Variants in EPM2A observed in about 807,000 individuals in gnomAD.
EPM2A encodes the protein EPM2A glucan phosphatase, laforin, also known as laforin.
In EPM2A, 21 loss-of-function variants were observed where a neutral mutation model predicts 26.5. The observed-to-expected ratio is 0.79, with a 90% CI of 0.56 to 1.14. The LOEUF is 1.14. EPM2A is among the 50% of genes most tolerant of loss of function. The pLI is 0.00. For synonymous variants in EPM2A, 217 were observed against 177.6 expected, an observed-to-expected ratio of 1.22 and a Z score of -1.76; for missense variants, 458 against 440.8, an observed-to-expected ratio of 1.04 and a Z score of -0.35.
intron 2 of EPM2A, among the ~76,000 whole-genome samples, chr6:145,515,829 C>A (rs1780118708): frequency 6.6e-6 from 1 of 152,182 alleles, no homozygotes. Flanking sequence ...TACAGGTCAC[C>A]TTGCGAAAGG....
At chr6:145,684,810 T>C (rs997837655) in intron 2 of EPM2A, 10 of 144,604 alleles carry the variant, frequency 6.9e-5, no homozygotes, top group African/African-American at 2.6e-4. Flanking sequence ...ACCATTACAG[T>C]AGCTCAGGCC....
intron 4 of EPM2A, chr6:145,490,990 TCTTCA>T (rs1779747537): frequency 1.1e-6 from 1 of 920,076 alleles, no homozygotes; most frequent in Middle Eastern, 2.3e-4. Context: ...GATGCCTTCA[TCTTCA>T]CTTCAATTGT....
chr6:145,451,077 T>G (rs974698137), intron 4 of EPM2A, among the ~76,000 whole-genome samples: 3 of 152,184 alleles, frequency 2.0e-5, no homozygotes, highest in Admixed American at 2.0e-4. Flanking sequence ...CAACTGGTAG[T>G]ACTTGTTGTC....
intron 4 of EPM2A, among the ~76,000 whole-genome samples, chr6:145,425,196 C>G (rs745784220): frequency 2.7e-5 from 4 of 146,352 alleles, no homozygotes; most frequent in Non-Finnish European, 6.1e-5. Context: ...CTTTCTTTGA[C>G]GTAGTCTTGC....
chr6:145,572,082 C>T (rs1378877430), intron 2 of EPM2A, among the ~76,000 whole-genome samples: 3 of 152,186 alleles, frequency 2.0e-5, no homozygotes, highest in Admixed American at 6.5e-5. Flanking sequence ...AATCACACAT[C>T]TGGGGATTTC....
At chr6:145,405,498 G>A (rs1482551076) in intron 4 of EPM2A, among the ~76,000 whole-genome samples, 1 of 152,122 alleles carries the variant, frequency 6.6e-6, no homozygotes, top group Non-Finnish European at 1.5e-5. Context: ...GCCAGAAGCA[G>A]AAATGGCAGA....
At chr6:145,567,850 G>C (rs191583718) in intron 2 of EPM2A, among the ~76,000 whole-genome samples, 3 of 152,196 alleles carry the variant, frequency 2.0e-5, no homozygotes, top group African/African-American at 7.2e-5. Context: ...CGGCTCTGCT[G>C]TCTTTGTGCA....
At chr6:145,484,834 A>G (rs986299104) in intron 4 of EPM2A, among the ~76,000 whole-genome samples, 4 of 151,518 alleles carry the variant, frequency 2.6e-5, no homozygotes, top group African/African-American at 9.7e-5. Flanking sequence ...ATGGCTGCCT[A>G]TCTTCTGCTT....
chr6:145,446,880 G>T (rs540111594), intron 4 of EPM2A, among the ~76,000 whole-genome samples: 1 of 152,022 alleles, frequency 6.6e-6, no homozygotes, highest in East Asian at 1.9e-4. Context: ...TGATTATCTT[G>T]GATCTTCTTT....
chr6:145,422,908 C>G (rs932888858), intron 4 of EPM2A, among the ~76,000 whole-genome samples: 1 of 151,956 alleles, frequency 6.6e-6, no homozygotes, highest in Non-Finnish European at 1.5e-5. Context: ...TAAGCCATGA[C>G]TCACTCACTT....
At position 145,627,554 on chromosome 6, in the gene EPM2A, G is replaced by A. The variant is rs1321786333; in HGVS notation, c.858C>T (p.Gly286=). The change falls in exon 4 of 4, where the codon GGC becomes GGT. Residue 286 remains glycine (G), a synonymous_variant. Transcript: ENST00000367519. ...AATACTGCACCTTCCTCAGATTCCA[G>A]CCCATCACATACTGGAGCCAGCCGC... ...AVCGWLQYVM[G]WNLRKVQYFL... The A allele has an allele frequency of 6.2e-7, 1 of 1,614,122 alleles. No individual in the cohort carries two copies. The highest frequency in any genetic ancestry group is 2.2e-5 in the East Asian group (1 of 44,888).
In EPM2A at chr6:145,735,208, G is replaced by A. The variant is rs769710588; in HGVS notation, c.291C>T (p.Leu97=). 3.3e-6 allele frequency: 5 copies of A among 1,525,920 alleles called. No individual in the cohort carries two copies. The East Asian group carries it at 7.8e-5, about 24-fold the overall frequency. The allele number at this position is 1,525,920 out of a possible 1,614,324, so 94.5% of individuals were successfully genotyped here. The change falls in exon 1 of 4, where the codon CTC becomes CTT. Residue 97 remains leucine, a synonymous_variant. Transcript: ENST00000367519. ...KFLKREPGGE[L]SWEGNGPHHD... ...GTCTGCTGGCAATACCTTCCCAGGA[G>A]AGCTCTCCTCCCGGCTCCCGCTTCA...
chr6:145,436,846 T>C (rs1778995449), intron 4 of EPM2A, among the ~76,000 whole-genome samples: 1 of 152,114 alleles, frequency 6.6e-6, no homozygotes, highest in Admixed American at 6.5e-5. Context: ...TTTTTCCTAC[T>C]ATAAAGTTTC....
At chr6:145,517,528 C>T (rs923635737) in intron 2 of EPM2A, among the ~76,000 whole-genome samples, 1 of 152,144 alleles carries the variant, frequency 6.6e-6, no homozygotes, top group Non-Finnish European at 1.5e-5. Flanking sequence ...GATGTTATTA[C>T]TTTCATATGA....
At chr6:145,491,431 C>T (rs1258362863) in intron 4 of EPM2A, among the ~76,000 whole-genome samples, 5 of 152,146 alleles carry the variant, frequency 3.3e-5, no homozygotes, top group Non-Finnish European at 7.4e-5. Flanking sequence ...CCTCCATCCC[C>T]AGCTGGACTC....
Position 145,705,758 on chromosome 6 carries a change from C to T in EPM2A, c.302-19462G>A, listed in dbSNP as rs181124995. On this transcript the variant is annotated intron_variant, in intron 1 of 3. Coordinates refer to ENST00000367519, the MANE Select transcript of EPM2A (RefSeq NM_005670.4). ...AACAGGAAATGACACACAGCACTTC[C>T]TCTCATATTTTACTGGCCAAAGCAA... The T allele has an allele frequency of 1.4e-5, 6 of 414,732 alleles. 1 individual carries two copies. In the Admixed American group the frequency reaches 1.6e-4, roughly 11 times the overall value. The allele number at this position is 414,732 out of a possible 1,614,324, so 25.7% of individuals were successfully genotyped here.
intron 3 of EPM2A, chr6:145,632,100 C>T (rs774563362): frequency 1.3e-5 from 2 of 152,126 alleles, no homozygotes; most frequent in African/African-American, 2.4e-5. Flanking sequence ...TTATCTTATT[C>T]TACTGTTATA....
chr6:145,629,255 G>A (rs531644454), intron 3 of EPM2A: 9 of 152,314 alleles, frequency 5.9e-5, no homozygotes, highest in African/African-American at 2.2e-4. Context: ...TGGTCCCCAA[G>A]GGCATTTGTA....
At chr6:145,519,253 C>T (rs1038961674) in intron 2 of EPM2A, among the ~76,000 whole-genome samples, 1 of 152,062 alleles carries the variant, frequency 6.6e-6, no homozygotes, top group Admixed American at 6.5e-5. Flanking sequence ...TTAGTGTCTT[C>T]CAGATTTCAG....
Sources: allele counts gnomAD v4.1 joint callset (sites outside exome capture counted in the v4.1 genomes callset), GRCh38; gene constraint gnomAD v4.1.1; transcripts MANE v1.5; gene names NCBI Gene and HGNC (gene_info 2026-07-23, HGNC 2026-07-21).